INSYN2B: variants seen among roughly 807,000 people sequenced by gnomAD.
The protein encoded by INSYN2B is inhibitory synaptic factor family member 2B.
INSYN2B carries 16 observed loss-of-function variants against 41.2 expected under a neutral mutation model. That is an observed-to-expected ratio of 0.39 (90% CI 0.26 to 0.59). The LOEUF is 0.59. Ranked by LOEUF, INSYN2B falls within the 20% of genes least tolerant of loss-of-function variation. The probability of loss-of-function intolerance (pLI) is 0.57; values close to 1 mark genes in which losing one functional copy is unlikely to be tolerated. For missense variants in INSYN2B, 608 were observed against 646.4 expected (o/e 0.94, Z 0.64); for synonymous variants, 245 against 244.4 (o/e 1.00, Z -0.02).
intron 1 of INSYN2B, among the ~76,000 whole-genome samples, chr5:169,951,166 G>C (rs558549367): frequency 6.6e-6 from 1 of 152,278 alleles, no homozygotes; most frequent in South Asian, 2.1e-4. Flanking sequence ...CAGGGATAGA[G>C]TCAGGGCAAG....
intron 1 of INSYN2B, among the ~76,000 whole-genome samples, chr5:169,968,987 A>C (rs1195250954): frequency 2.0e-5 from 3 of 152,214 alleles, no homozygotes; most frequent in Non-Finnish European, 4.4e-5. Flanking sequence ...TGCCTCTACA[A>C]AAAATTTTGA....
rs576279978 is a variant in INSYN2B at position 169,939,345 on chromosome 5, G to A, written c.-919+40932C>T. ...CATCTGGTCTCATTGAAGGTCTTCA[G>A]GGACAATAACATTCATGAATTTGTC... On this transcript the variant is annotated intron_variant, in intron 1 of 3. Transcript: ENST00000377365. Among the ~76,000 whole-genome samples, 3 of 152,190 alleles carry A rather than the reference G, an allele frequency of 2.0e-5. No homozygotes were observed. The South Asian group carries it at 6.2e-4, about 32-fold the overall frequency.
chr5:169,953,051 C>A (rs1326539689), intron 1 of INSYN2B, among the ~76,000 whole-genome samples: 1 of 152,122 alleles, frequency 6.6e-6, no homozygotes, highest in African/African-American at 2.4e-5. Context: ...GGGCCAGGCA[C>A]GGTGGCTCAT....
chr5:169,883,155 A>T lies in INSYN2B; in HGVS notation c.744T>A (p.Thr248=), dbSNP rs1301017929. 3.2e-6 allele frequency: 5 copies of T among 1,551,388 alleles called. No homozygotes were observed. The highest frequency in any genetic ancestry group is 2.0e-5 in the Admixed American group (1 of 50,976). The stretch of plus-strand genomic sequence containing the variant: ...AGGTGGATTTTTCTGAATCTAGTGG[A>T]GTCACCCTTCTCCCATCACCTGGAC... ...DTRPGDGRRV[T]PLDSEKSTSC... is the part of the protein sequence containing the mutation. The change falls in exon 2 of 4, where the codon ACT becomes ACA. Residue 248 remains threonine (T), a synonymous_variant. Coordinates refer to ENST00000377365, the MANE Select transcript of INSYN2B (RefSeq NM_001129891.3).
In INSYN2B at chr5:169,945,298, G is replaced by T. The variant is rs149560437; in HGVS notation, c.-919+34979C>A. 6.0e-4 allele frequency among the ~76,000 whole-genome samples: 92 copies of T among 152,338 alleles called. 4 individuals carry two copies. In the East Asian group the frequency reaches 0.017, roughly 28 times the overall value. ...ACTAACGCCTTAGCAGGCATATACC[G>T]AGTGGTAGTTCTCTTCTCTCCTCTA... On this transcript the variant is annotated intron_variant, in intron 1 of 3. Transcript: ENST00000377365.
At chr5:169,870,704 TA>T (rs945178728) in intron 3 of INSYN2B, among the ~76,000 whole-genome samples, 8 of 152,152 alleles carry the variant, frequency 5.3e-5, no homozygotes, top group African/African-American at 1.9e-4. Flanking sequence ...CTGCACCCAT[TA>T]ACTCATCATT....
chr5:169,974,413 G>C (rs1318807274), intron 1 of INSYN2B, among the ~76,000 whole-genome samples: 1 of 152,166 alleles, frequency 6.6e-6, no homozygotes, highest in East Asian at 1.9e-4. Context: ...CCTATAAAAA[G>C]TCCTTTCAGA....
At chr5:169,949,389 G>A (rs1776571271) in intron 1 of INSYN2B, among the ~76,000 whole-genome samples, 1 of 152,158 alleles carries the variant, frequency 6.6e-6, no homozygotes. Context: ...CCATGTTCCT[G>A]GGGCTGCCTG....
chr5:169,938,596 G>C (rs1776094987), intron 1 of INSYN2B, among the ~76,000 whole-genome samples: 2 of 152,238 alleles, frequency 1.3e-5, no homozygotes, highest in Admixed American at 1.3e-4. Context: ...CATGAATGGA[G>C]CTTGGAAGTT....
chr5:169,975,830 A>G (rs1373377496), intron 1 of INSYN2B, among the ~76,000 whole-genome samples: 1 of 152,224 alleles, frequency 6.6e-6, no homozygotes, highest in African/African-American at 2.4e-5. Flanking sequence ...TTAAGAACAA[A>G]GCCTTTGGTA....
At chr5:169,889,147 T>C (rs1773143420) in intron 1 of INSYN2B, among the ~76,000 whole-genome samples, 1 of 152,210 alleles carries the variant, frequency 6.6e-6, no homozygotes, top group East Asian at 1.9e-4. Flanking sequence ...TCCTGTATTA[T>C]CTAATTTGCC....
At chr5:169,928,289 G>A (rs750796255) in intron 1 of INSYN2B, among the ~76,000 whole-genome samples, 9 of 152,100 alleles carry the variant, frequency 5.9e-5, no homozygotes, top group Non-Finnish European at 1.2e-4. Context: ...GGGCCAGCCT[G>A]TTCTTGCCCA....
At chr5:169,931,831 C>A (rs1482340177) in intron 1 of INSYN2B, among the ~76,000 whole-genome samples, 2 of 152,220 alleles carry the variant, frequency 1.3e-5, no homozygotes, top group African/African-American at 4.8e-5. Flanking sequence ...ATCCTTCCTC[C>A]AGGGATCATA....
chr5:169,893,212 C>T (rs1388765375), intron 1 of INSYN2B, among the ~76,000 whole-genome samples: 1 of 152,204 alleles, frequency 6.6e-6, no homozygotes, highest in African/African-American at 2.4e-5. Flanking sequence ...TTCTGTGGTA[C>T]ATTCACCCCT....
chr5:169,954,435 A>C (rs1258387618), intron 1 of INSYN2B, among the ~76,000 whole-genome samples: 3 of 152,152 alleles, frequency 2.0e-5, no homozygotes, highest in Admixed American at 6.5e-5. Flanking sequence ...TTGAAGCCCC[A>C]AAAAATGTGT....
At position 169,864,280 on chromosome 5, in the gene INSYN2B, C is replaced by T; in HGVS notation, c.1601G>A (p.Trp534Ter). ...GGGATGGTCCCAACCAGCTCAGATC[C>T]ACCAGAAGCATTTCTTTTTCACCTT... ...TKKVKKKCFW[W>*]I The change falls in exon 4 of 4, where the codon TGG becomes TAG. Residue 534 changes from tryptophan to a stop codon, truncating the protein, a stop_gained. Transcript: ENST00000377365. LOFTEE classifies it high-confidence loss of function. The T allele has an allele frequency of 6.4e-7, 1 of 1,551,508 alleles. No homozygotes were observed. The highest frequency in any genetic ancestry group is 8.7e-7 in the Non-Finnish European group (1 of 1,146,878).
intron 1 of INSYN2B, among the ~76,000 whole-genome samples, chr5:169,911,397 G>A (rs1160601768): frequency 1.3e-5 from 2 of 152,156 alleles, no homozygotes; most frequent in East Asian, 1.9e-4. Flanking sequence ...AGAGCCAGTG[G>A]AGCTTTTAGA....
chr5:169,919,254 T>C (rs1037253771), intron 1 of INSYN2B, among the ~76,000 whole-genome samples: 1 of 152,174 alleles, frequency 6.6e-6, no homozygotes, highest in Non-Finnish European at 1.5e-5. Flanking sequence ...ACACCATCGA[T>C]ATGGGGCAGA....
chr5:169,928,009 T>A (rs2113672489), intron 1 of INSYN2B, among the ~76,000 whole-genome samples: 1 of 152,238 alleles, frequency 6.6e-6, no homozygotes, highest in South Asian at 2.1e-4. Context: ...AACTCACAGA[T>A]CCATGTGTGT....
Sources: gnomAD v4.1 joint callset for allele counts (sites outside exome capture counted in the v4.1 genomes callset) on GRCh38, gnomAD v4.1.1 for gene constraint, MANE v1.5 for transcripts, NCBI Gene and HGNC (gene_info 2026-07-23, HGNC 2026-07-21) for gene names.